The following LAMA1 variants were observed in gnomAD, a reference collection of about 807,000 sequenced individuals.
The protein encoded by LAMA1 is laminin subunit alpha 1.
A neutral mutation model predicts 348.7 loss-of-function variants in LAMA1; 219 were observed. The ratio of observed to expected loss-of-function variants is 0.63; its 90% CI spans 0.56 to 0.70. The LOEUF (loss-of-function observed/expected upper bound fraction) is 0.70, where lower values mean the gene tolerates loss of function less well. Ranked by LOEUF, LAMA1 falls within the 30% of genes least tolerant of loss-of-function variation. The pLI, the probability that LAMA1 is intolerant of heterozygous loss-of-function variation, is 0.00. For synonymous variants in LAMA1, 1,487 were observed against 1,491.0 expected, an observed-to-expected ratio of 1.00 and a Z score of 0.06; for missense variants, 3,744 against 3,888.0, an observed-to-expected ratio of 0.96 and a Z score of 0.99.
intron 19 of LAMA1, among the ~76,000 whole-genome samples, chr18:7,022,915 C>T (rs1487904891): frequency 6.6e-6 from 1 of 152,076 alleles, no homozygotes; most frequent in Admixed American, 6.5e-5. Context: ...ACTGGCCGCT[C>T]GGGTGGCAGG....
chr18:7,034,227 A>G (rs1386285561), intron 14 of LAMA1, among the ~76,000 whole-genome samples: 1 of 151,838 alleles, frequency 6.6e-6, no homozygotes, highest in East Asian at 1.9e-4. Context: ...TTTCCCAGAA[A>G]CCCCCTTTGA....
chr18:7,073,555 A>G (rs1442085973), intron 3 of LAMA1, among the ~76,000 whole-genome samples: 1 of 152,184 alleles, frequency 6.6e-6, no homozygotes, highest in Non-Finnish European at 1.5e-5. Context: ...TAATGTTTCC[A>G]GGGTACATAC....
intron 1 of LAMA1, among the ~76,000 whole-genome samples, chr18:7,089,444 C>T (rs2058230986): frequency 1.3e-5 from 2 of 152,202 alleles, no homozygotes; most frequent in African/African-American, 4.8e-5. Flanking sequence ...GGTGACTCTG[C>T]TAGTGTCCTT....
chr18:7,090,252 T>TA (rs1458856299), intron 1 of LAMA1, among the ~76,000 whole-genome samples: 1 of 152,204 alleles, frequency 6.6e-6, no homozygotes, highest in Non-Finnish European at 1.5e-5. Flanking sequence ...TCAGTATGAC[T>TA]AAAAAATCAA....
At position 6,959,399 on chromosome 18, in the gene LAMA1, G is replaced by T. The variant is rs200193936; in HGVS notation, c.7720C>A (p.Pro2574Thr). Reference protein sequence around the residue: ...TGLRKALLHAPTGTCSDGQAH... With the variant: ...TGLRKALLHATTGTCSDGQAH... ...TGTCCATCACTGCAGGTACCCGTGG[G>T]AGCGTGCAGGAGAGCTTTTCTCAGG... Residue 2574 changes from proline to threonine, a missense_variant, in exon 54 of 63, where the codon CCC becomes ACC. Pro to Thr is a conservative substitution (Grantham distance 38). This residue lies in a region of LAMA1 where 1,983 missense variants were observed against 1,934.3 expected (regional missense o/e 1.03). Transcript: ENST00000389658. 2.5e-6 allele frequency: 4 copies of T among 1,614,178 alleles called. No homozygotes were observed. In the Admixed American group the frequency reaches 5.0e-5, roughly 20 times the overall value.
Position 6,985,412 on chromosome 18 carries a change from A to C in LAMA1, c.5497-12T>G, listed in dbSNP as rs748073491. 5 of 1,614,110 alleles carry C rather than the reference A, an allele frequency of 3.1e-6. No individual in the cohort carries two copies. In the Admixed American group the frequency reaches 8.3e-5, roughly 27 times the overall value. On this transcript the variant is annotated splice_polypyrimidine_tract_variant and intron_variant, in intron 38 of 62. Transcript: ENST00000389658. ...TGATCCTCTAAGTGCTACATGGAGA[A>C]ATTAATATTGTAAATATATGCACAT...
chr18:6,975,582 A>T (rs1048176898), intron 45 of LAMA1, among the ~76,000 whole-genome samples: 1 of 152,208 alleles, frequency 6.6e-6, no homozygotes, highest in African/African-American at 2.4e-5. Flanking sequence ...TTTCATAGGC[A>T]CTTGCCATCT....
chr18:7,093,027 A>G (rs1195875599), intron 1 of LAMA1, among the ~76,000 whole-genome samples: 1 of 152,168 alleles, frequency 6.6e-6, no homozygotes, highest in Non-Finnish European at 1.5e-5. Flanking sequence ...CATAAAGTAT[A>G]CCGAATTGAG....
At chr18:7,091,234 C>G (rs531925306) in intron 1 of LAMA1, among the ~76,000 whole-genome samples, 24 of 152,270 alleles carry the variant, frequency 1.6e-4, no homozygotes, top group African/African-American at 5.8e-4. Flanking sequence ...ATTGCACTTA[C>G]GCAAAACACA....
At position 6,949,197 on chromosome 18, in the gene LAMA1, C is replaced by T. The variant is rs1308277270; in HGVS notation, c.8460G>A (p.Met2820Ile). The T allele has an allele frequency of 6.2e-7, 1 of 1,614,014 alleles. No homozygotes were observed. Among genetic ancestry groups the T allele is most frequent in the Non-Finnish European group, 8.5e-7 (1 of 1,180,000 alleles). Residue 2820 changes from methionine to isoleucine, a missense_variant, in exon 59 of 63, where the codon ATG becomes ATA. Transcript: ENST00000389658. ...TGGTTCCATCTCCCACCACAGTCACCATGGGAGACTCTCGGCCGTCGACAG... is the reference window on the plus strand; with the variant it reads ...TGGTTCCATCTCCCACCACAGTCACTATGGGAGACTCTCGGCCGTCGACAG... ...FITVDGRESPMVTVVGDGTML... is the reference protein window; with the variant it reads ...FITVDGRESPIVTVVGDGTML...
chr18:7,048,872 A>T (rs186725083), intron 5 of LAMA1, among the ~76,000 whole-genome samples: 2 of 152,280 alleles, frequency 1.3e-5, no homozygotes, highest in African/African-American at 4.8e-5. Flanking sequence ...TGAGGGACCT[A>T]AGGATATGAT....
chr18:7,025,206 C>T (rs1259118364), intron 17 of LAMA1, among the ~76,000 whole-genome samples: 5 of 152,226 alleles, frequency 3.3e-5, no homozygotes, highest in Non-Finnish European at 5.9e-5. Flanking sequence ...GGTACATCTC[C>T]TTCCACCTCC....
intron 53 of LAMA1, 187 bp from the exon 54 acceptor site, chr18:6,959,679 A>G: frequency 1.5e-6 from 1 of 652,938 alleles, no homozygotes; most frequent in African/African-American, 1.8e-5. Flanking sequence ...CATATAATTT[A>G]TATTCTGCAT....
intron 29 of LAMA1, among the ~76,000 whole-genome samples, chr18:7,002,795 T>G (rs564983737): frequency 1.2e-4 from 18 of 152,070 alleles, no homozygotes; most frequent in Non-Finnish European, 2.2e-4. Flanking sequence ...ATTTAGGAAA[T>G]AGACAATGAG....
chr18:6,950,263 T>C (rs191293874), intron 58 of LAMA1, among the ~76,000 whole-genome samples: 213 of 152,346 alleles, frequency 1.4e-3, no homozygotes, highest in Non-Finnish European at 2.4e-3. Flanking sequence ...CCCTAGTCCT[T>C]GAATTCTTGG....
chr18:7,038,776 C>A, intron 11 of LAMA1, 34 bp downstream of exon 11: 1 of 1,606,592 alleles, frequency 6.2e-7, no homozygotes, highest in South Asian at 1.1e-5. Context: ...ACGACCTGCT[C>A]ATTAAATCCC....
In LAMA1 at chr18:6,986,116, G is replaced by A. The variant is rs762348090; in HGVS notation, c.5379+21C>T. On this transcript the variant is annotated intron_variant, in intron 37 of 62. Transcript: ENST00000389658. ...TTTGTTACCTGTTCTAATTGAGAAGGAGAGAGCAAGTGAGACTCACACTGA... is the reference window on the plus strand; with the variant it reads ...TTTGTTACCTGTTCTAATTGAGAAGAAGAGAGCAAGTGAGACTCACACTGA... The A allele has an allele frequency of 1.5e-5, 25 of 1,613,114 alleles. No homozygotes were observed. The African/African-American group carries it at 2.8e-4, about 18-fold the overall frequency.
chr18:7,015,348 C>T (rs1322617928), intron 22 of LAMA1, among the ~76,000 whole-genome samples: 1 of 152,156 alleles, frequency 6.6e-6, no homozygotes, highest in African/African-American at 2.4e-5. Flanking sequence ...CAGCTCACTA[C>T]AGCCTTGAAT....
intron 18 of LAMA1, 28 bp from the exon 19 acceptor site, chr18:7,023,403 G>A (rs776093615): frequency 1.3e-5 from 20 of 1,591,890 alleles, no homozygotes; most frequent in Non-Finnish European, 1.6e-5. Context: ...AGTGGGATCA[G>A]ACAAATGCAG....
Sources: gnomAD v4.1 joint callset for allele counts (sites outside exome capture counted in the v4.1 genomes callset) on GRCh38, gnomAD v4.1.1 for gene constraint, gnomAD v4.1.1 regional missense constraint, MANE v1.5 for transcripts, NCBI Gene and HGNC (gene_info 2026-07-23, HGNC 2026-07-21) for gene names.